The following SH3BP2 variants were observed in gnomAD, a reference collection of about 807,000 sequenced individuals.
The protein encoded by SH3BP2 is SH3 domain binding protein 2, also known as SH3 domain-binding protein 2.
SH3BP2 carries 38 observed loss-of-function variants against 56.2 expected under a neutral mutation model. The ratio of observed to expected loss-of-function variants is 0.68; its 90% CI spans 0.52 to 0.89. The LOEUF is 0.89. SH3BP2 is among the 40% of genes least tolerant of loss of function. The pLI is 0.00. For missense variants in SH3BP2, 748 were observed against 762.6 expected (o/e 0.98, Z 0.23); for synonymous variants, 346 against 316.7 (o/e 1.09, Z -0.98).
chr4:2,824,742 TC>T lies in SH3BP2; in HGVS notation c.357+14del. The stretch of plus-strand genomic sequence containing the variant: ...AGGAGGAGCGCAAGGTGACTGGGGG[TC>T]CGAGGACGAGTGCAAGGTGACTGGG... On this transcript the variant is annotated intron_variant, in intron 4 of 12. Coordinates refer to ENST00000503393, the MANE Select transcript of SH3BP2 (RefSeq NM_001122681.2). The T allele has an allele frequency of 6.3e-7, 1 of 1,591,172 alleles. No homozygotes were observed. The highest frequency in any genetic ancestry group is 8.6e-7 in the Non-Finnish European group (1 of 1,160,170).
chr4:2,830,192 A>C, intron 8 of SH3BP2, 45 bp downstream of exon 8: 2 of 1,559,288 alleles, frequency 1.3e-6, no homozygotes, highest in Non-Finnish European at 8.6e-7. Flanking sequence ...AGCTACAGGG[A>C]CCCTGGCCTG....
Position 2,832,613 on chromosome 4 carries a change from C to T in SH3BP2, c.1488+201C>T, listed in dbSNP as rs538261967. On this transcript the variant is annotated intron_variant, in intron 11 of 12. Transcript: ENST00000503393. Reference sequence around the variant, plus strand: ...TCTGCAAATTGGGGGCCATGATGGCCACCTCCCAGTGGGGGCCAGGACTCG... The same window carrying T: ...TCTGCAAATTGGGGGCCATGATGGCTACCTCCCAGTGGGGGCCAGGACTCG... Among the ~76,000 whole-genome samples the T allele has an allele frequency of 5.3e-5, 8 of 152,336 alleles. No individual in the cohort carries two copies. The South Asian group carries it at 1.7e-3, about 32-fold the overall frequency.
Position 2,838,336 on chromosome 4 carries a change from A to G in SH3BP2, c.*4502A>G, listed in dbSNP as rs1032371276. On this transcript the variant is annotated 3_prime_UTR_variant, in exon 13 of 13. Transcript: ENST00000503393. ...TCTAAAAAGTCTTCAGCACCCAATTATGCAGGCATTGCAGTATTTTCCTGT... is the reference window on the plus strand; with the variant it reads ...TCTAAAAAGTCTTCAGCACCCAATTGTGCAGGCATTGCAGTATTTTCCTGT... The G allele has an allele frequency of 2.0e-5, 3 of 152,188 alleles. No individual in the cohort carries two copies. The highest frequency in any genetic ancestry group is 4.4e-5 in the Non-Finnish European group (3 of 68,042). The allele number at this position is 152,188 out of a possible 1,614,324, so 9.4% of individuals were successfully genotyped here. A position where few individuals can be genotyped will look rare whatever the true frequency, so the allele number is the denominator to read the frequency against.
chr4:2,834,078 C>G lies in SH3BP2; in HGVS notation c.*244C>G, dbSNP rs972603927. On this transcript the variant is annotated 3_prime_UTR_variant, in exon 13 of 13. Transcript: ENST00000503393. Reference sequence around the variant, plus strand: ...GTTGCCCCACACTAACTTGCCCTGTCCCAATCCCAGAAACCCAGGACCAAG... The same window carrying G: ...GTTGCCCCACACTAACTTGCCCTGTGCCAATCCCAGAAACCCAGGACCAAG... 2.3e-5 allele frequency: 12 copies of G among 530,360 alleles called. No homozygotes were observed. The African/African-American group carries it at 2.3e-4, about 10-fold the overall frequency. The allele number at this position is 530,360 out of a possible 1,614,324, so 32.9% of individuals were successfully genotyped here. A position where few individuals can be genotyped will look rare whatever the true frequency, so the allele number is the denominator to read the frequency against.
intron 1 of SH3BP2, among the ~76,000 whole-genome samples, chr4:2,800,393 C>T (rs1480203591): frequency 6.6e-6 from 1 of 152,174 alleles, no homozygotes; most frequent in Non-Finnish European, 1.5e-5. Flanking sequence ...CTGATGCAGC[C>T]TGCCCCTGCC....
intron 2 of SH3BP2, among the ~76,000 whole-genome samples, chr4:2,821,452 A>G (rs1482719588): frequency 3.9e-5 from 6 of 152,334 alleles, no homozygotes; most frequent in Admixed American, 3.3e-4. Context: ...AGCCTGGGAC[A>G]GGGCTGGGGC....
intron 1 of SH3BP2, among the ~76,000 whole-genome samples, chr4:2,811,019 C>A (rs7698922): frequency 0.052 from 7,908 of 152,288 alleles, 391 homozygotes; most frequent in African/African-American, 0.12. Flanking sequence ...GCTGGGGACG[C>A]CAGGGTGTCT....
chr4:2,812,306 G>C, intron 1 of SH3BP2: 1 of 1,548,758 alleles, frequency 6.5e-7, no homozygotes, highest in Non-Finnish European at 8.7e-7. Context: ...CAGCAGGAGT[G>C]AGCTGTGGGC....
At chr4:2,794,355 C>T (rs1025270425) in intron 1 of SH3BP2, 1 of 152,346 alleles carries the variant, frequency 6.6e-6, no homozygotes, top group Non-Finnish European at 1.5e-5. Context: ...GGCTCCACCC[C>T]CTCCTGGTTC....
intron 8 of SH3BP2, among the ~76,000 whole-genome samples, chr4:2,830,848 G>A (rs1351205824): frequency 1.3e-5 from 2 of 152,306 alleles, no homozygotes; most frequent in African/African-American, 2.4e-5. Flanking sequence ...TGGCCGGCAC[G>A]CGCACCCCCG....
intron 2 of SH3BP2, among the ~76,000 whole-genome samples, chr4:2,821,366 G>A (rs1033819689): frequency 6.6e-6 from 1 of 152,210 alleles, no homozygotes; most frequent in Non-Finnish European, 1.5e-5. Flanking sequence ...ATTGGTTCCT[G>A]TACGGGCACT....
At chr4:2,800,452 C>T (rs1176600236) in intron 1 of SH3BP2, among the ~76,000 whole-genome samples, 1 of 152,158 alleles carries the variant, frequency 6.6e-6, no homozygotes, top group Non-Finnish European at 1.5e-5. Flanking sequence ...AGGAGGAGGC[C>T]CTAGGGGCAG....
At chr4:2,812,475 C>A in intron 1 of SH3BP2, 1 of 1,549,864 alleles carries the variant, frequency 6.5e-7, no homozygotes, top group South Asian at 1.2e-5. Context: ...TCAGCACCAT[C>A]AGGTCAGTGG....
At chr4:2,813,883 C>T (rs1170287051) in intron 1 of SH3BP2, among the ~76,000 whole-genome samples, 1 of 152,110 alleles carries the variant, frequency 6.6e-6, no homozygotes, top group Non-Finnish European at 1.5e-5. Context: ...ATGAGTGTGA[C>T]AGGATGCGCA....
intron 1 of SH3BP2, among the ~76,000 whole-genome samples, chr4:2,814,059 C>T (rs1475918167): frequency 1.3e-5 from 2 of 152,220 alleles, no homozygotes; most frequent in Admixed American, 1.3e-4. Flanking sequence ...GGCTCCCTTA[C>T]CACAGCCAGG....
chr4:2,824,800 G>A (rs768558642), intron 4 of SH3BP2, 70 bp downstream of exon 4: 36 of 1,191,390 alleles, frequency 3.0e-5, no homozygotes, highest in Admixed American at 6.8e-5. Flanking sequence ...GGCTGGACCT[G>A]CCTTGGGGGC....
At position 2,833,725 on chromosome 4, in the gene SH3BP2, T is replaced by C. The variant is rs772481292; in HGVS notation, c.1577T>C (p.Val526Ala). The C allele has an allele frequency of 1.2e-6, 2 of 1,610,220 alleles. No homozygotes were observed. The highest frequency in any genetic ancestry group is 4.5e-5 in the East Asian group (2 of 44,760). The change falls in exon 13 of 13, where the codon GTC (valine) becomes GCC (alanine). Residue 526 changes from valine (V) to alanine (A), a missense_variant. Transcript: ENST00000503393. Reference sequence around the variant, plus strand: ...TCTAAGTTCTACCTGGAGGGCGAGGTCCTGTTTGTGAGTGTGGGCAGCATG... The same window carrying C: ...TCTAAGTTCTACCTGGAGGGCGAGGCCCTGTTTGTGAGTGTGGGCAGCATG... ...KDSKFYLEGE[V>A]LFVSVGSMVE... is the part of the protein sequence containing the mutation.
chr4:2,806,872 G>T (rs570884785), intron 1 of SH3BP2, among the ~76,000 whole-genome samples: 1 of 152,400 alleles, frequency 6.6e-6, no homozygotes, highest in South Asian at 2.1e-4. Context: ...GCTTCCCTCT[G>T]AGGACAGAGC....
rs1282774369 is a variant in SH3BP2 at position 2,829,729 on chromosome 4, C to T, written c.823C>T (p.Arg275Ter). 25 of 1,612,916 alleles carry T rather than the reference C, an allele frequency of 1.5e-5. No homozygotes were observed. The highest frequency in any genetic ancestry group is 1.8e-5 in the Non-Finnish European group (21 of 1,179,820). The change falls in exon 8 of 13, where the codon CGA becomes TGA. Residue 275 changes from arginine to a stop codon, truncating the protein, a stop_gained. Transcript: ENST00000503393. LOFTEE classifies it high-confidence loss of function. This position sits in a 1 kb window ranked among gnomAD's most constrained non-coding sequence, Gnocchi z 4.9. ...TTGCCCCAGGGTACCTGCTACCCCCCGAAGGATGAGCGATCCCCCTCTGAG... is the reference window on the plus strand; with the variant it reads ...TTGCCCCAGGGTACCTGCTACCCCCTGAAGGATGAGCGATCCCCCTCTGAG... ...EPCPRVPATP[R>*]RMSDPPLSTM...
Sources: allele counts gnomAD v4.1 joint callset (sites outside exome capture counted in the v4.1 genomes callset), GRCh38; gene constraint gnomAD v4.1.1; non-coding constraint Gnocchi (gnomAD v3.1); transcripts MANE v1.5; gene names NCBI Gene and HGNC (gene_info 2026-07-23, HGNC 2026-07-21).